SGCD: variants seen among roughly 807,000 people sequenced by gnomAD.
SGCD encodes the protein sarcoglycan delta, also known as delta-sarcoglycan.
A neutral mutation model predicts 36.6 loss-of-function variants in SGCD; 18 were observed. That is an observed-to-expected ratio of 0.49 (90% CI 0.34 to 0.73). The LOEUF is 0.73. Ranked by LOEUF, SGCD falls within the 30% of genes least tolerant of loss-of-function variation. The pLI, the probability that SGCD is intolerant of heterozygous loss-of-function variation, is 0.01. For missense variants in SGCD, 387 were observed against 346.7 expected, an observed-to-expected ratio of 1.12 and a Z score of -0.92; for synonymous variants, 133 against 130.6, an observed-to-expected ratio of 1.02 and a Z score of -0.12.
chr5:156,388,982 G>A (rs1381753882), intron 3 of SGCD, among the ~76,000 whole-genome samples: 1 of 152,108 alleles, frequency 6.6e-6, no homozygotes, highest in Non-Finnish European at 1.5e-5. Context: ...TGTAATGAGT[G>A]TAAGACAAGG....
At chr5:156,078,101 T>G (rs1760839279) in intron 1 of SGCD, among the ~76,000 whole-genome samples, 1 of 152,120 alleles carries the variant, frequency 6.6e-6, no homozygotes, top group Non-Finnish European at 1.5e-5. Context: ...CTAGGGAAGG[T>G]GGTAGAAGAG....
At chr5:156,265,551 G>A (rs1001824058) in intron 3 of SGCD, among the ~76,000 whole-genome samples, 10 of 151,686 alleles carry the variant, frequency 6.6e-5, no homozygotes, top group African/African-American at 2.4e-4. Flanking sequence ...TGAGCTCATA[G>A]CCTTAAGAAA....
chr5:156,187,430 T>G (rs1763788197), intron 3 of SGCD, among the ~76,000 whole-genome samples: 1 of 152,110 alleles, frequency 6.6e-6, no homozygotes, highest in Non-Finnish European at 1.5e-5. Flanking sequence ...CAGTTTTCTT[T>G]TGGCTAGAAT....
chr5:156,232,440 C>A lies in SGCD; in HGVS notation c.-43-97094C>A, dbSNP rs148922241. On this transcript the variant is annotated intron_variant, in intron 3 of 9. Transcript: ENST00000517913. ...GCTCACCCATGGATCCTTGTTCTGC[C>A]TCCCTTGGGGCCACAAGTAGACAGT... Among the ~76,000 whole-genome samples the A allele has an allele frequency of 6.0e-4, 92 of 152,294 alleles. 1 individual carries two copies. Among genetic ancestry groups the A allele is most frequent in the African/African-American group, 2.2e-3 (90 of 41,576 alleles).
At chr5:156,068,824 G>A (rs1032907910) in intron 1 of SGCD, among the ~76,000 whole-genome samples, 5 of 151,866 alleles carry the variant, frequency 3.3e-5, no homozygotes, top group African/African-American at 1.2e-4. Flanking sequence ...TCTAACTGGT[G>A]TGAGATGGTA....
intron 3 of SGCD, among the ~76,000 whole-genome samples, chr5:156,214,057 C>A (rs988400962): frequency 7.2e-5 from 11 of 151,904 alleles, no homozygotes; most frequent in Non-Finnish European, 5.9e-5. Flanking sequence ...GACAAGGATG[C>A]CCACTTTTAC....
intron 1 of SGCD, among the ~76,000 whole-genome samples, chr5:156,044,564 T>A (rs1302550030): frequency 6.6e-6 from 1 of 152,142 alleles, no homozygotes; most frequent in Non-Finnish European, 1.5e-5. Flanking sequence ...TAGCTCTCCC[T>A]ACAGAAAACC....
At chr5:155,776,375 A>G in the SGCD span, among the ~76,000 whole-genome samples, 7 of 152,188 alleles carry the variant, frequency 4.6e-5, no homozygotes, top group Non-Finnish European at 1.0e-4. Flanking sequence ...CAGAATATGA[A>G]TAACAGTTAT....
chr5:155,889,241 A>C (rs1756071408), intron 1 of SGCD, among the ~76,000 whole-genome samples: 1 of 152,200 alleles, frequency 6.6e-6, no homozygotes, highest in African/African-American at 2.4e-5. Flanking sequence ...CGTAGAGGAA[A>C]TTTAAGTAAC....
At chr5:156,729,977 C>T (rs1156797017) in intron 7 of SGCD, among the ~76,000 whole-genome samples, 1 of 152,002 alleles carries the variant, frequency 6.6e-6, no homozygotes. Flanking sequence ...AAAACAATGG[C>T]CAAAAAGAGG....
At chr5:156,541,392 G>T (rs1271675764) in intron 4 of SGCD, among the ~76,000 whole-genome samples, 1 of 152,116 alleles carries the variant, frequency 6.6e-6, no homozygotes, top group African/African-American at 2.4e-5. Flanking sequence ...ATCAGGGAGG[G>T]AGCTCCTCGG....
chr5:156,730,016 CCAATA>C (rs1755975138), intron 7 of SGCD, among the ~76,000 whole-genome samples: 1 of 152,152 alleles, frequency 6.6e-6, no homozygotes, highest in Non-Finnish European at 1.5e-5. Context: ...TTGTGCATCT[CCAATA>C]CTTCAGCAGC....
chr5:156,649,544 A>G (rs1205417408), intron 7 of SGCD, among the ~76,000 whole-genome samples: 1 of 152,192 alleles, frequency 6.6e-6, no homozygotes, highest in Non-Finnish European at 1.5e-5. Context: ...AAAAATGATG[A>G]GTTCATGTCC....
chr5:156,128,896 T>C (rs1762244873), intron 3 of SGCD, among the ~76,000 whole-genome samples: 4 of 152,194 alleles, frequency 2.6e-5, no homozygotes, highest in Admixed American at 2.6e-4. Context: ...AAAAAGACTG[T>C]CACACATAAT....
chr5:156,512,514 T>A (rs530247615), intron 4 of SGCD, among the ~76,000 whole-genome samples: 20 of 152,296 alleles, frequency 1.3e-4, no homozygotes, highest in African/African-American at 4.8e-4. Flanking sequence ...CTCTATGATG[T>A]TCATGCAATG....
At chr5:156,011,124 A>G (rs1211468872) in intron 1 of SGCD, among the ~76,000 whole-genome samples, 1 of 152,218 alleles carries the variant, frequency 6.6e-6, no homozygotes, top group Non-Finnish European at 1.5e-5. Context: ...AGACAAGGAA[A>G]TGAGTATATT....
At chr5:156,744,547 C>T (rs894319350) in intron 7 of SGCD, among the ~76,000 whole-genome samples, 12 of 152,142 alleles carry the variant, frequency 7.9e-5, no homozygotes, top group Non-Finnish European at 1.8e-4. Context: ...ATCTTTTTTT[C>T]CTGATTCCCA....
the SGCD span, among the ~76,000 whole-genome samples, chr5:155,854,509 C>CA: frequency 6.6e-6 from 1 of 152,078 alleles, no homozygotes; most frequent in Non-Finnish European, 1.5e-5. Context: ...TGCCTCGTAT[C>CA]ACAGCTTCCT....
At chr5:156,684,533 C>T (rs1465524056) in intron 7 of SGCD, among the ~76,000 whole-genome samples, 1 of 152,206 alleles carries the variant, frequency 6.6e-6, no homozygotes, top group Non-Finnish European at 1.5e-5. Flanking sequence ...TTATCTATAA[C>T]TGCTTCTTAC....
Sources: gnomAD v4.1 joint callset for allele counts (sites outside exome capture counted in the v4.1 genomes callset) on GRCh38, gnomAD v4.1.1 for gene constraint, MANE v1.5 for transcripts, NCBI Gene and HGNC (gene_info 2026-07-23, HGNC 2026-07-21) for gene names.